Variants in PGCKA1 observed in about 807,000 individuals in gnomAD.
The protein encoded by PGCKA1 is PDCD10 and GCKIII kinases-associated protein 1.
the PGCKA1 span, chr4:37,590,301 G>A: frequency 6.2e-7 from 1 of 1,613,924 alleles, no homozygotes; most frequent in Non-Finnish European, 8.5e-7. Context: ...CTCACCAAGG[G>A]CCGCTCCCAC....
the PGCKA1 span, among the ~76,000 whole-genome samples, chr4:37,568,525 T>A: frequency 1.3e-5 from 2 of 152,338 alleles, no homozygotes; most frequent in African/African-American, 4.8e-5. Flanking sequence ...CAGTTCCTCC[T>A]GGCAGAGGCT....
At chr4:37,535,069 T>C in the PGCKA1 span, among the ~76,000 whole-genome samples, 1 of 152,188 alleles carries the variant, frequency 6.6e-6, no homozygotes, top group South Asian at 2.1e-4. Flanking sequence ...CTAGGACAAC[T>C]AATCCAGCTA....
the PGCKA1 span, among the ~76,000 whole-genome samples, chr4:37,519,691 C>T: frequency 6.6e-6 from 1 of 152,084 alleles, no homozygotes; most frequent in Non-Finnish European, 1.5e-5. Context: ...CTAAATATAA[C>T]ATCACAACAT....
At chr4:37,562,994 A>G in the PGCKA1 span, among the ~76,000 whole-genome samples, 2 of 151,954 alleles carry the variant, frequency 1.3e-5, no homozygotes, top group South Asian at 4.1e-4. Flanking sequence ...CAAGTGCAAA[A>G]CCTATTTTTA....
the PGCKA1 span, among the ~76,000 whole-genome samples, chr4:37,538,963 CA>C: frequency 6.6e-6 from 1 of 152,166 alleles, no homozygotes; most frequent in African/African-American, 2.4e-5. Context: ...AATTAACTGT[CA>C]GGGGTCACTG....
At chr4:37,484,458 G>A in the PGCKA1 span, among the ~76,000 whole-genome samples, 1 of 152,282 alleles carries the variant, frequency 6.6e-6, no homozygotes, top group East Asian at 1.9e-4. Context: ...GGAATTATGG[G>A]AGCTACAATT....
chr4:37,560,019 A>G, the PGCKA1 span, among the ~76,000 whole-genome samples: 5,595 of 152,068 alleles, frequency 0.037, 265 homozygotes, highest in East Asian at 0.14. Context: ...TTATCTGGGG[A>G]CTTCCCAGTG....
At chr4:37,511,019 C>T in the PGCKA1 span, among the ~76,000 whole-genome samples, 2 of 151,838 alleles carry the variant, frequency 1.3e-5, no homozygotes, top group African/African-American at 4.8e-5. Flanking sequence ...TACCAGACTA[C>T]CACCAATATT....
chr4:37,499,916 A>G, the PGCKA1 span, among the ~76,000 whole-genome samples: 1 of 108,794 alleles, frequency 9.2e-6, no homozygotes, highest in South Asian at 3.1e-4. Context: ...AGGTCTTCCT[A>G]ACTTTTTTTT....
chr4:37,534,326 C>A, the PGCKA1 span, among the ~76,000 whole-genome samples: 18 of 152,278 alleles, frequency 1.2e-4, no homozygotes, highest in African/African-American at 4.1e-4. Flanking sequence ...CTGGCTTGGC[C>A]ACAGCTGGGG....
At chr4:37,496,923 C>T in the PGCKA1 span, among the ~76,000 whole-genome samples, 1 of 152,002 alleles carries the variant, frequency 6.6e-6, no homozygotes, top group Non-Finnish European at 1.5e-5. Context: ...TATAGGAATA[C>T]TAGTGATTTT....
the PGCKA1 span, among the ~76,000 whole-genome samples, chr4:37,585,006 G>GTTT: frequency 8.9e-5 from 11 of 123,620 alleles, no homozygotes; most frequent in South Asian, 5.3e-4. Flanking sequence ...TCTTTGACTT[G>GTTT]TTTTTTTTTT....
chr4:37,503,460 C>T, the PGCKA1 span, among the ~76,000 whole-genome samples: 5 of 152,216 alleles, frequency 3.3e-5, no homozygotes, highest in African/African-American at 1.2e-4. Context: ...AGCACTGCTA[C>T]CCCACCATCT....
At chr4:37,571,719 A>G in the PGCKA1 span, among the ~76,000 whole-genome samples, 2 of 151,452 alleles carry the variant, frequency 1.3e-5, no homozygotes, top group African/African-American at 4.9e-5. Context: ...TTGTATTTTT[A>G]GTAGAGACGG....
chr4:37,569,290 C>G, the PGCKA1 span, among the ~76,000 whole-genome samples: 1 of 151,962 alleles, frequency 6.6e-6, no homozygotes, highest in African/African-American at 2.4e-5. Flanking sequence ...CTCCGCCTCC[C>G]AGGTTCAAGC....
the PGCKA1 span, among the ~76,000 whole-genome samples, chr4:37,509,266 G>A: frequency 1.5e-5 from 1 of 67,726 alleles, no homozygotes; most frequent in African/African-American, 7.2e-5. Context: ...AGGCAGAGGC[G>A]CCCCCCACCT....
At chr4:37,590,432 C>A in the PGCKA1 span, 2 of 1,611,628 alleles carry the variant, frequency 1.2e-6, no homozygotes, top group East Asian at 4.5e-5. Context: ...TGGGCCAGTA[C>A]TGCAAATACT....
chr4:37,563,114 T>A, the PGCKA1 span, among the ~76,000 whole-genome samples: 1 of 152,062 alleles, frequency 6.6e-6, no homozygotes, highest in Non-Finnish European at 1.5e-5. Context: ...TTGCTTCCAG[T>A]CTTGAGTCCG....
At chr4:37,518,252 T>C in the PGCKA1 span, among the ~76,000 whole-genome samples, 31,560 of 152,108 alleles carry the variant, frequency 0.21, 4,069 homozygotes, top group African/African-American at 0.36. Context: ...GATATCTCTT[T>C]ATATACTGAT....
Sources: gnomAD v4.1 joint callset for allele counts (sites outside exome capture counted in the v4.1 genomes callset) on GRCh38, gnomAD v4.1.1 for gene constraint, MANE v1.5 for transcripts, NCBI Gene and HGNC (gene_info 2026-07-23, HGNC 2026-07-21) for gene names.